The following CCDC63 variants were observed in gnomAD, a reference collection of about 807,000 sequenced individuals.
CCDC63 encodes coiled-coil domain containing 63, also known as coiled-coil domain-containing protein 63.
CCDC63 carries 54 observed loss-of-function variants against 63.6 expected under a neutral mutation model. The ratio of observed to expected loss-of-function variants is 0.85; its 90% CI spans 0.68 to 1.07. The LOEUF is 1.07. CCDC63 is among the 50% of genes least tolerant of loss of function. The probability of loss-of-function intolerance (pLI) is 0.00; values close to 1 mark genes in which losing one functional copy is unlikely to be tolerated. For missense variants in CCDC63, 637 were observed against 689.6 expected (o/e 0.92, Z 0.86); for synonymous variants, 253 against 266.1 (o/e 0.95, Z 0.48).
chr12:110,846,777 G>A (rs967444327), upstream of CCDC63: 4 of 152,256 alleles, frequency 2.6e-5, no homozygotes, highest in African/African-American at 7.2e-5. Context: ...GCGTCATGAG[G>A]GTCCGGGTAG....
intron 3 of CCDC63, among the ~76,000 whole-genome samples, chr12:110,858,101 G>T (rs2070798308): frequency 7.4e-6 from 1 of 134,898 alleles, no homozygotes; most frequent in African/African-American, 3.2e-5. Context: ...GTGAGACTCT[G>T]TCTCAAAATA....
At chr12:110,849,308 G>T (rs2070676798) in intron 1 of CCDC63, among the ~76,000 whole-genome samples, 1 of 152,168 alleles carries the variant, frequency 6.6e-6, no homozygotes, top group Non-Finnish European at 1.5e-5. Flanking sequence ...CAGTTCCAGG[G>T]ATGGGGCAGT....
intron 4 of CCDC63, among the ~76,000 whole-genome samples, chr12:110,867,947 C>A (rs866870102): frequency 3.5e-5 from 5 of 141,910 alleles, no homozygotes; most frequent in African/African-American, 1.3e-4. Flanking sequence ...GGGCAGCTGC[C>A]GGGCGGAGGG....
chr12:110,892,400 A>ACC lies in CCDC63; in HGVS notation c.1075-671_1075-670dup, dbSNP rs139183566. 2.4e-3 allele frequency among the ~76,000 whole-genome samples: 358 copies of ACC among 151,454 alleles called. 2 individuals are homozygous for ACC. Among genetic ancestry groups the ACC allele is most frequent in the African/African-American group, 8.3e-3 (342 of 41,238 alleles). ...AGACCAGCCCGGGCAACATAGTGAG[A>ACC]CCCCCCATCTCTATAAAAATAAAAA... On this transcript the variant is annotated intron_variant, in intron 8 of 11. Coordinates refer to ENST00000308208, the MANE Select transcript of CCDC63 (RefSeq NM_152591.3).
At chr12:110,847,681 G>A (rs2070657268) in intron 1 of CCDC63, among the ~76,000 whole-genome samples, 2 of 152,120 alleles carry the variant, frequency 1.3e-5, no homozygotes, top group Admixed American at 6.5e-5. Flanking sequence ...AAAAAACTGT[G>A]TATGTGTTTC....
chr12:110,899,368 G>A (rs969860359), intron 10 of CCDC63, among the ~76,000 whole-genome samples: 1 of 152,106 alleles, frequency 6.6e-6, no homozygotes, highest in Non-Finnish European at 1.5e-5. Context: ...GTCCAGGCTG[G>A]AGTGCAGTGG....
Position 110,884,852 on chromosome 12 carries a change from ATTT to A in CCDC63, c.1074+618_1074+620del, listed in dbSNP as rs34391026. Among the ~76,000 whole-genome samples the A allele has an allele frequency of 7.6e-3, 999 of 130,662 alleles. 13 individuals are homozygous for A. The highest frequency in any genetic ancestry group is 0.039 in the East Asian group (177 of 4,548). 85.7% of individuals were successfully genotyped at this position (130,662 alleles called of 152,430 possible). On this transcript the variant is annotated intron_variant, in intron 8 of 11. Coordinates refer to ENST00000308208, the MANE Select transcript of CCDC63 (RefSeq NM_152591.3). ...CAGGTGCCCGCCACGACGCCCTGCT[ATTT>A]TTTTTTTTTTTTTTTGTATTTTTAG...
chr12:110,864,998 C>G (rs925104342), intron 4 of CCDC63, among the ~76,000 whole-genome samples: 25 of 152,164 alleles, frequency 1.6e-4, no homozygotes, highest in African/African-American at 5.8e-4. Flanking sequence ...GGAGATGTAC[C>G]CTGTCCTCCA....
At chr12:110,881,066 T>C (rs958237300) in intron 6 of CCDC63, 49 bp from the exon 7 acceptor site, 1 of 1,514,156 alleles carries the variant, frequency 6.6e-7, no homozygotes, top group Non-Finnish European at 8.8e-7. Flanking sequence ...GAAAGGGAAG[T>C]AGAGAGGAGG....
chr12:110,878,327 G>A (rs747124238), intron 5 of CCDC63, among the ~76,000 whole-genome samples: 12 of 151,804 alleles, frequency 7.9e-5, no homozygotes, highest in Non-Finnish European at 1.8e-4. Context: ...CCAATTTCTT[G>A]TTTTTGAAAC....
At chr12:110,882,933 G>A (rs2071225918) in intron 7 of CCDC63, among the ~76,000 whole-genome samples, 1 of 151,874 alleles carries the variant, frequency 6.6e-6, no homozygotes, top group Non-Finnish European at 1.5e-5. Context: ...GACAGTCACA[G>A]CTCACTTCAG....
intron 8 of CCDC63, among the ~76,000 whole-genome samples, chr12:110,888,281 A>G (rs1230012533): frequency 6.6e-6 from 1 of 152,186 alleles, no homozygotes; most frequent in Non-Finnish European, 1.5e-5. Context: ...TCCCAGTGGG[A>G]CACCGAGGGA....
Position 110,879,761 on chromosome 12 carries a change from G to A in CCDC63, c.490-145G>A, listed in dbSNP as rs749657952. ...CACTCAACTGGCTCCAACCAGTTGA[G>A]CCTCTTGCCTACTGCTCCAACCACT... is the stretch of plus-strand genomic sequence containing the variant. On this transcript the variant is annotated intron_variant, in intron 5 of 11. Transcript: ENST00000308208. The A allele has an allele frequency of 2.3e-4, 165 of 729,142 alleles. 1 individual carries two copies. Among genetic ancestry groups the A allele is most frequent in the Non-Finnish European group, 3.5e-4 (150 of 433,660 alleles). The allele number at this position is 729,142 out of a possible 1,614,324, so 45.2% of individuals were successfully genotyped here. A position where few individuals can be genotyped will look rare whatever the true frequency, so the allele number is the denominator to read the frequency against.
At position 110,893,217 on chromosome 12, in the gene CCDC63, C is replaced by T. The variant is rs1421857677; in HGVS notation, c.1149+67C>T. The T allele has an allele frequency of 2.3e-6, 3 of 1,330,584 alleles. No homozygotes were observed. In the East Asian group the frequency reaches 6.9e-5, roughly 31 times the overall value. The allele number at this position is 1,330,584 out of a possible 1,614,324, so 82.4% of individuals were successfully genotyped here. A position where few individuals can be genotyped will look rare whatever the true frequency, so the allele number is the denominator to read the frequency against. On this transcript the variant is annotated intron_variant, in intron 9 of 11. Coordinates refer to ENST00000308208, the MANE Select transcript of CCDC63 (RefSeq NM_152591.3). ...TGTCTGTCTCTGTGTCTGACGGGAG[C>T]TTCTGTCTGTCTGTCCGTCGGGCAT...
At chr12:110,878,168 A>G (rs926931897) in intron 5 of CCDC63, among the ~76,000 whole-genome samples, 8 of 152,174 alleles carry the variant, frequency 5.3e-5, no homozygotes, top group African/African-American at 1.9e-4. Context: ...TTTATTGTGT[A>G]TATATATGCA....
chr12:110,847,566 G>GA (rs60968677), intron 1 of CCDC63, among the ~76,000 whole-genome samples: 106,782 of 146,790 alleles, frequency 0.73, 38,709 homozygotes, highest in African/African-American at 0.76. Flanking sequence ...CTCAAAAAAG[G>GA]AAAAAAAAAA....
chr12:110,905,028 T>G (rs1592793163), intron 11 of CCDC63, among the ~76,000 whole-genome samples: 1 of 152,310 alleles, frequency 6.6e-6, no homozygotes, highest in Non-Finnish European at 1.5e-5. Flanking sequence ...TCCTGAAGTT[T>G]AGTTATTTTG....
At chr12:110,875,456 T>C (rs1015299079) in intron 5 of CCDC63, among the ~76,000 whole-genome samples, 3 of 152,162 alleles carry the variant, frequency 2.0e-5, no homozygotes, top group Non-Finnish European at 4.4e-5. Context: ...ATTTTTTTTT[T>C]TTTTGAGACG....
intron 4 of CCDC63, among the ~76,000 whole-genome samples, chr12:110,872,915 G>C (rs1486698619): frequency 6.6e-6 from 1 of 152,132 alleles, no homozygotes; most frequent in Non-Finnish European, 1.5e-5. Flanking sequence ...TCTGTACCTA[G>C]AATCAAACTA....
Sources: gnomAD v4.1 joint callset for allele counts (sites outside exome capture counted in the v4.1 genomes callset) on GRCh38, gnomAD v4.1.1 for gene constraint, MANE v1.5 for transcripts, NCBI Gene and HGNC (gene_info 2026-07-23, HGNC 2026-07-21) for gene names.